Variants in CFAP65 observed in about 807,000 individuals in gnomAD.
The protein encoded by CFAP65 is cilia and flagella associated protein 65.
Under a neutral mutation model 208.0 loss-of-function variants are expected in CFAP65, and 155 were observed. The observed-to-expected ratio is 0.75, with a 90% CI of 0.65 to 0.85. The LOEUF (loss-of-function observed/expected upper bound fraction) is 0.85, where lower values mean the gene tolerates loss of function less well. Among genes scored for constraint, CFAP65 ranks in the 40% least tolerant of loss-of-function variants. CFAP65 has a pLI of 0.00. For missense variants in CFAP65, 2,294 were observed against 2,451.3 expected, an observed-to-expected ratio of 0.94 and a Z score of 1.36; for synonymous variants, 970 against 986.3, an observed-to-expected ratio of 0.98 and a Z score of 0.31.
At position 219,019,590 on chromosome 2, in the gene CFAP65, A is replaced by G. The variant is rs755224239; in HGVS notation, c.3389T>C (p.Leu1130Pro). The change falls in exon 20 of 35, where the codon CTC becomes CCC. Residue 1130 changes from leucine to proline, a missense_variant. Leu to Pro is a moderately conservative substitution (Grantham distance 98, BLOSUM62 -3). Transcript: ENST00000341552. ...EGITRKHLWR[L>P]FSLDLLNSYL... ...ACTGTTAAGCAGGTCCAGAGAGAAG[A>G]GGCGCCACAGGTGCTTCCGGGTGAT... 2.2e-5 allele frequency: 35 copies of G among 1,613,704 alleles called. No homozygotes were observed. The highest frequency in any genetic ancestry group is 2.8e-5 in the Non-Finnish European group (33 of 1,180,026).
Position 219,031,336 on chromosome 2 carries a change from G to C in CFAP65, c.816-31C>G. On this transcript the variant is annotated intron_variant, in intron 7 of 34. Coordinates refer to ENST00000341552, the MANE Select transcript of CFAP65 (RefSeq NM_194302.4). This position sits in a 1 kb window ranked among gnomAD's most constrained non-coding sequence, Gnocchi z 5.2. ...GGTGGGGGGCAGGTCAGGGCACTGG[G>C]CTCCCGGCCCCTGCTCCTGCAGTAG... 5 of 1,609,144 alleles carry C rather than the reference G, an allele frequency of 3.1e-6. No individual in the cohort carries two copies. The highest frequency in any genetic ancestry group is 4.3e-6 in the Non-Finnish European group (5 of 1,176,312).
rs1462443223 is a variant in CFAP65 at position 219,003,042 on chromosome 2, G to A, written c.5694-21C>T. On this transcript the variant is annotated intron_variant, in intron 34 of 34. Coordinates refer to ENST00000341552, the MANE Select transcript of CFAP65 (RefSeq NM_194302.4). The surrounding 1 kb of genome is among the most constrained non-coding windows in gnomAD (Gnocchi z 4.4). ...GACTCCTGGAAGACAAAAAGTCCCA[G>A]GTAGGCGTGGGGGCGAGGCTTCGGG... is the stretch of plus-strand genomic sequence containing the variant. 1 of 1,552,516 alleles carries A rather than the reference G, an allele frequency of 6.4e-7. No homozygotes were observed. The highest frequency in any genetic ancestry group is 2.4e-5 in the East Asian group (1 of 41,280).
chr2:219,029,330 C>G, intron 11 of CFAP65, 73 bp downstream of exon 11: 1 of 1,540,160 alleles, frequency 6.5e-7, no homozygotes, highest in South Asian at 1.2e-5. Context: ...AAGTGCCCAC[C>G]AAGCCTTGTC....
Position 219,030,110 on chromosome 2 carries a change from C to T in CFAP65, c.1260G>A (p.Glu420=), listed in dbSNP as rs779596491. 5 of 1,614,156 alleles carry T rather than the reference C, an allele frequency of 3.1e-6. No homozygotes were observed. The Admixed American group carries it at 8.3e-5, about 27-fold the overall frequency. The change falls in exon 10 of 35, where the codon GAG becomes GAA. Residue 420 remains glutamate (E), a synonymous_variant. Coordinates refer to ENST00000341552, the MANE Select transcript of CFAP65 (RefSeq NM_194302.4). ...PTAHGIVLPG[E]KKCVSVFFHP... The stretch of plus-strand genomic sequence containing the variant: ...GGAAGAACACCGACACACATTTCTT[C>T]TCTCCCGGAAGCACGATGCCATGGG...
intron 5 of CFAP65, among the ~76,000 whole-genome samples, chr2:219,033,228 T>A (rs970922226): frequency 1.3e-5 from 2 of 152,090 alleles, no homozygotes; most frequent in South Asian, 4.1e-4. Flanking sequence ...TCCCAGCACT[T>A]TGAGAGGCTA....
chr2:219,009,665 G>A (rs148514004), intron 27 of CFAP65, among the ~76,000 whole-genome samples: 252 of 83,686 alleles, frequency 3.0e-3, no homozygotes, highest in African/African-American at 0.017. Flanking sequence ...ATAGGATGGG[G>A]TGGGATGGGG....
At position 219,019,552 on chromosome 2, in the gene CFAP65, C is replaced by T; in HGVS notation, c.3427G>A (p.Asp1143Asn). 1 of 1,613,418 alleles carries T rather than the reference C, an allele frequency of 6.2e-7. No homozygotes were observed. The highest frequency in any genetic ancestry group is 8.5e-7 in the Non-Finnish European group (1 of 1,180,016). The change falls in exon 20 of 35, where the codon GAC becomes AAC. Residue 1143 changes from aspartate to asparagine, a missense_variant. Coordinates refer to ENST00000341552, the MANE Select transcript of CFAP65 (RefSeq NM_194302.4). The stretch of plus-strand genomic sequence containing the variant: ...TAGGTGAGCTCACAGGGGGTGGGGT[C>T]ACGCTCCAAGTAACTGTTAAGCAGG... ...LDLLNSYLER[D>N]PTPCELTYKV...
intron 24 of CFAP65, among the ~76,000 whole-genome samples, chr2:219,012,631 C>T (rs1448091740): frequency 6.6e-6 from 1 of 152,238 alleles, no homozygotes; most frequent in Non-Finnish European, 1.5e-5. Flanking sequence ...TACCAATCTA[C>T]ATTTCCAGAG....
At position 219,030,788 on chromosome 2, in the gene CFAP65, C is replaced by A; in HGVS notation, c.1062G>T (p.Glu354Asp). The A allele has an allele frequency of 6.2e-7, 1 of 1,614,204 alleles. No individual in the cohort carries two copies. Among genetic ancestry groups the A allele is most frequent in the Non-Finnish European group, 8.5e-7 (1 of 1,180,038 alleles). Residue 354 changes from glutamate to aspartate, a missense_variant, in exon 9 of 35, where the codon GAG (glutamate) becomes GAT (aspartate). Coordinates refer to ENST00000341552, the MANE Select transcript of CFAP65 (RefSeq NM_194302.4). ...TCTGGAAGCCCTCGGCATCCTGGTCCTCCGGGCACTTGTGCTTTATGCTCA... is the reference window on the plus strand; with the variant it reads ...TCTGGAAGCCCTCGGCATCCTGGTCATCCGGGCACTTGTGCTTTATGCTCA... ...LLVSIKHKCPEDQDAEGFQKL... is the reference protein window; with the variant it reads ...LLVSIKHKCPDDQDAEGFQKL...
rs1946355209 is a variant in CFAP65, at chr2:219,009,950, A to C, written c.4444T>G (p.Phe1482Val). The change falls in exon 27 of 35, where the codon TTT becomes GTT. Residue 1482 changes from phenylalanine to valine, a missense_variant. By Grantham distance (50) the Phe-to-Val change is conservative (BLOSUM62 -1). Transcript: ENST00000341552. ...GCTCAGGGGACTCTCACCTCCCCAA[A>C]ATCTAGAGGACTTGGCTGCCAGGAG... The part of the protein sequence containing the change: ...AFSWQPSPLD[F>V]GEVSVSPMIG... 1.2e-6 allele frequency: 2 copies of C among 1,609,392 alleles called. No individual in the cohort carries two copies. Among genetic ancestry groups the C allele is most frequent in the East Asian group, 2.2e-5 (1 of 44,850 alleles).
At position 219,038,915 on chromosome 2, in the gene CFAP65, T is replaced by C. The variant is rs748091300; in HGVS notation, c.134A>G (p.Glu45Gly). Residue 45 changes from glutamate (E) to glycine (G), a missense_variant, in exon 3 of 35, where the codon GAG (glutamate) becomes GGG (glycine). Physicochemically the swap from Glu to Gly is moderately conservative, Grantham distance 98. Around this residue, in one of 2 missense-constraint regions of CFAP65, gnomAD observed 867 missense variants for 1,012.6 expected, o/e 0.86. Transcript: ENST00000341552. Reference protein sequence around the residue: ...RGKSVQKKQAESKSQIKLHTQ... With the variant: ...RGKSVQKKQAGSKSQIKLHTQ... ...CATTACCTTTATCTGGCTTTTACTCTCTGCTTGTTTCTTCTGAACACTCTT... is the reference window on the plus strand; with the variant it reads ...CATTACCTTTATCTGGCTTTTACTCCCTGCTTGTTTCTTCTGAACACTCTT... 8 of 1,610,990 alleles carry C rather than the reference T, an allele frequency of 5.0e-6. No homozygotes were observed. Among genetic ancestry groups the C allele is most frequent in the Non-Finnish European group, 6.8e-6 (8 of 1,178,634 alleles).
At chr2:219,006,547 G>A in intron 29 of CFAP65, 38 bp from the exon 30 acceptor site, 4 of 1,606,162 alleles carry the variant, frequency 2.5e-6, no homozygotes, top group African/African-American at 1.3e-5. Flanking sequence ...AGATACAAGA[G>A]GCCCGGCCGG....
At position 219,005,491 on chromosome 2, in the gene CFAP65, C is replaced by A; in HGVS notation, c.4994G>T (p.Gly1665Val). The A allele has an allele frequency of 6.2e-7, 1 of 1,613,656 alleles. No individual in the cohort carries two copies. Among genetic ancestry groups the A allele is most frequent in the Non-Finnish European group, 8.5e-7 (1 of 1,179,962 alleles). Reference protein sequence around the residue: ...TSEEKSPNKWGPVSKQKKQLL... With the variant: ...TSEEKSPNKWVPVSKQKKQLL... Reference sequence around the variant, plus strand: ...CTGCTTCTTCTGCTTGGAAACAGGGCCCCACTTGTTAGGGGATTTTTCCTC... The same window carrying A: ...CTGCTTCTTCTGCTTGGAAACAGGGACCCACTTGTTAGGGGATTTTTCCTC... Residue 1665 changes from glycine (G) to valine (V), a missense_variant, in exon 32 of 35, where the codon GGC becomes GTC. Gly to Val is a moderately radical substitution (Grantham distance 109). Coordinates refer to ENST00000341552, the MANE Select transcript of CFAP65 (RefSeq NM_194302.4).
chr2:219,021,411 G>T, intron 18 of CFAP65, 131 bp from the exon 19 acceptor site: 1 of 1,132,890 alleles, frequency 8.8e-7, no homozygotes, highest in Non-Finnish European at 1.2e-6. Flanking sequence ...AGGGAGTGGA[G>T]CCCCTCCTCC....
Position 219,023,337 on chromosome 2 carries a change from G to A in CFAP65, c.2690C>T (p.Ser897Phe). ...GTTGCGGAAGGTGAAGGGGCTGGTG[G>A]AGGAGCAGCCCACCCAGGTGGGCTT... ...YFKPTWVGCSSTSPFTFRNPS... is the reference protein window; with the variant it reads ...YFKPTWVGCSFTSPFTFRNPS... Residue 897 changes from serine to phenylalanine, a missense_variant, in exon 16 of 35, where the codon TCC becomes TTC. Coordinates refer to ENST00000341552, the MANE Select transcript of CFAP65 (RefSeq NM_194302.4). 1 of 1,611,754 alleles carries A rather than the reference G, an allele frequency of 6.2e-7. No individual in the cohort carries two copies. Among genetic ancestry groups the A allele is most frequent in the Non-Finnish European group, 8.5e-7 (1 of 1,179,146 alleles).
In CFAP65 at chr2:219,009,108, T is replaced by G. The variant is rs199962415; in HGVS notation, c.4613A>C (p.Glu1538Ala). ...LMRQYHKELQ[E>A]WKDEKVRQEV... ...CTGCCGCACCTTCTCGTCCTTCCACTCCTGCAGCTCCTTGTGATACTGCCT... is the reference window on the plus strand; with the variant it reads ...CTGCCGCACCTTCTCGTCCTTCCACGCCTGCAGCTCCTTGTGATACTGCCT... The change falls in exon 29 of 35, where the codon GAG becomes GCG. Residue 1538 changes from glutamate (E) to alanine (A), a missense_variant. Glu to Ala is a moderately radical substitution (Grantham distance 107, BLOSUM62 -1). Transcript: ENST00000341552. The G allele has an allele frequency of 2.6e-5, 42 of 1,612,814 alleles. No homozygotes were observed. The highest frequency in any genetic ancestry group is 3.6e-5 in the Non-Finnish European group (42 of 1,179,978).
At chr2:219,008,635 C>T (rs1011960256) in intron 29 of CFAP65, among the ~76,000 whole-genome samples, 1 of 152,126 alleles carries the variant, frequency 6.6e-6, no homozygotes, top group Non-Finnish European at 1.5e-5. Flanking sequence ...GTCCCAGCTA[C>T]TCAGGAGGCT....
intron 4 of CFAP65, among the ~76,000 whole-genome samples, chr2:219,037,154 G>T (rs1450473611): frequency 6.6e-6 from 1 of 152,194 alleles, no homozygotes; most frequent in Non-Finnish European, 1.5e-5. Context: ...CATTTTGGGA[G>T]GCTGAGGTGG....
In CFAP65 at chr2:219,013,854, G is replaced by C. The variant is rs1946656474; in HGVS notation, c.3779+14C>G. ...ATGACTGGAAGTGCAGGGGGTTTGG[G>C]GGGTGGGGAACACCTGTATTTTAAC... On this transcript the variant is annotated intron_variant, in intron 22 of 34. Transcript: ENST00000341552. 6.4e-7 allele frequency: 1 copy of C among 1,574,634 alleles called. No homozygotes were observed. The highest frequency in any genetic ancestry group is 1.8e-4 in the Middle Eastern group (1 of 5,628).
Sources: gnomAD v4.1 joint callset for allele counts (sites outside exome capture counted in the v4.1 genomes callset) on GRCh38, gnomAD v4.1.1 for gene constraint, gnomAD v4.1.1 regional missense constraint, Gnocchi (gnomAD v3.1) non-coding constraint, MANE v1.5 for transcripts, NCBI Gene and HGNC (gene_info 2026-07-23, HGNC 2026-07-21) for gene names.